Variants in MRPS30 observed in about 807,000 individuals in gnomAD.
MRPS30 encodes large ribosomal subunit protein mL65.
In MRPS30, 42 loss-of-function variants were observed where a neutral mutation model predicts 43.8. That is an observed-to-expected ratio of 0.96 (90% CI 0.75 to 1.24). The LOEUF is 1.24. MRPS30 is among the 50% of genes most tolerant of loss of function. The pLI is 0.00. For missense variants in MRPS30, 638 were observed against 570.0 expected, an observed-to-expected ratio of 1.12 and a Z score of -1.22; for synonymous variants, 273 against 228.2, an observed-to-expected ratio of 1.20 and a Z score of -1.77.
chr5:44,809,837 T>G, intron 1 of MRPS30: 1 of 442,294 alleles, frequency 2.3e-6, no homozygotes, highest in Non-Finnish European at 4.0e-6. Flanking sequence ...ACTTTGTGAG[T>G]GTTCAGCCAA....
In MRPS30 at chr5:44,809,121, C is replaced by A; in HGVS notation, c.159C>A (p.Ala53=). ...RYPPIVASMT[A]DSKAARLRRI... ...CGCCGATTGTGGCCTCCATGACAGC[C>A]GACAGCAAAGCTGCACGGCTGCGGC... The change falls in exon 1 of 5, where the codon GCC becomes GCA. Residue 53 remains alanine (A), a synonymous_variant. Transcript: ENST00000507110. 2 of 1,611,884 alleles carry A rather than the reference C, an allele frequency of 1.2e-6. No homozygotes were observed. Among genetic ancestry groups the A allele is most frequent in the Non-Finnish European group, 8.5e-7 (1 of 1,179,494 alleles).
chr5:44,811,574 T>C (rs1311039333), intron 2 of MRPS30, among the ~76,000 whole-genome samples: 3 of 152,250 alleles, frequency 2.0e-5, no homozygotes, highest in Non-Finnish European at 4.4e-5. Flanking sequence ...GTATTGTCTA[T>C]GCTTTCATGT....
At position 44,809,131 on chromosome 5, in the gene MRPS30, G is replaced by A. The variant is rs1177359961; in HGVS notation, c.169G>A (p.Ala57Thr). Residue 57 changes from alanine to threonine, a missense_variant, in exon 1 of 5, where the codon GCT becomes ACT. Transcript: ENST00000507110. ...IVASMTADSK[A>T]ARLRRIERWQ... ...GGCCTCCATGACAGCCGACAGCAAA[G>A]CTGCACGGCTGCGGCGGATCGAGCG... 5 of 1,611,822 alleles carry A rather than the reference G, an allele frequency of 3.1e-6. No homozygotes were observed. Among genetic ancestry groups the A allele is most frequent in the Non-Finnish European group, 4.2e-6 (5 of 1,179,472 alleles).
intron 1 of MRPS30, among the ~76,000 whole-genome samples, chr5:44,810,536 C>T (rs1742822358): frequency 6.6e-6 from 1 of 152,016 alleles, no homozygotes; most frequent in Non-Finnish European, 1.5e-5. Context: ...TTTTCCCTTC[C>T]CCAGTTGAGA....
At position 44,809,318 on chromosome 5, in the gene MRPS30, C is replaced by A. The variant is rs759294898; in HGVS notation, c.356C>A (p.Pro119Gln). The change falls in exon 1 of 5, where the codon CCG becomes CAG. Residue 119 changes from proline (P) to glutamine (Q), a missense_variant. Physicochemically the swap from Pro to Gln is moderately conservative, Grantham distance 76 (BLOSUM62 -1). Coordinates refer to ENST00000507110, the MANE Select transcript of MRPS30 (RefSeq NM_016640.4). Reference sequence around the variant, plus strand: ...AAGACCGTGTTCCTGTCGGGTCTGCCGCCGCCCCCAGCGGAGCCCGAGCCC... The same window carrying A: ...AAGACCGTGTTCCTGTCGGGTCTGCAGCCGCCCCCAGCGGAGCCCGAGCCC... ...FTKTVFLSGL[P>Q]PPPAEPEPEP... is the part of the protein sequence containing the mutation. The A allele has an allele frequency of 1.4e-5, 23 of 1,612,156 alleles. No homozygotes were observed. Among genetic ancestry groups the A allele is most frequent in the South Asian group, 4.4e-5 (4 of 90,942 alleles).
In MRPS30 at chr5:44,810,455, G is replaced by A. The variant is rs111729693; in HGVS notation, c.602-554G>A. On this transcript the variant is annotated intron_variant, in intron 1 of 4. Transcript: ENST00000507110. ...ATTTTATATCTTCTACCAAGTGTATGTCTTAATATTTATTGAAGTAATGTT... is the reference window on the plus strand; with the variant it reads ...ATTTTATATCTTCTACCAAGTGTATATCTTAATATTTATTGAAGTAATGTT... 4.3e-3 allele frequency among the ~76,000 whole-genome samples: 650 copies of A among 152,306 alleles called. 6 individuals are homozygous for A. Among genetic ancestry groups the A allele is most frequent in the African/African-American group, 0.015 (609 of 41,560 alleles).
intron 1 of MRPS30, 40 bp downstream of exon 1, chr5:44,809,603 G>A (rs1460127435): frequency 1.3e-6 from 2 of 1,532,558 alleles, no homozygotes; most frequent in Non-Finnish European, 1.8e-6. Flanking sequence ...AGGGAGAGAT[G>A]GGGATTGTAC....
In MRPS30 at chr5:44,809,352, A is replaced by C. The variant is rs142383960; in HGVS notation, c.390A>C (p.Glu130Asp). Residue 130 changes from glutamate (E) to aspartate (D), a missense_variant, in exon 1 of 5, where the codon GAA becomes GAC. By Grantham distance (45) the Glu-to-Asp change is conservative. Transcript: ENST00000507110. ...CAGCGGAGCCCGAGCCCGAGCCCGAACCCGAACCTGAACCTGCGCTGGACC... is the reference window on the plus strand; with the variant it reads ...CAGCGGAGCCCGAGCCCGAGCCCGACCCCGAACCTGAACCTGCGCTGGACC... Reference protein sequence around the residue: ...PPPAEPEPEPEPEPEPALDLA... With the variant: ...PPPAEPEPEPDPEPEPALDLA... The C allele has an allele frequency of 6.3e-7, 1 of 1,594,746 alleles. No homozygotes were observed. Among genetic ancestry groups the C allele is most frequent in the Admixed American group, 1.7e-5 (1 of 59,168 alleles).
intron 4 of MRPS30, among the ~76,000 whole-genome samples, chr5:44,814,126 A>C (rs772321547): frequency 6.4e-4 from 98 of 152,262 alleles, no homozygotes; most frequent in Non-Finnish European, 1.1e-3. Flanking sequence ...GGACAAGGAG[A>C]ATGATGTAGA....
In MRPS30 at chr5:44,808,960, A is replaced by C. The variant is rs746518711; in HGVS notation, c.-3A>C. ...ACCTCTGGGTCCGGAATCGCGGGCA[A>C]AGATGGCGGCGGCCAGGTGTTGGAG... is the stretch of plus-strand genomic sequence containing the variant. On this transcript the variant is annotated 5_prime_UTR_variant, in exon 1 of 5. Coordinates refer to ENST00000507110, the MANE Select transcript of MRPS30 (RefSeq NM_016640.4). 2.5e-6 allele frequency: 4 copies of C among 1,589,612 alleles called. No homozygotes were observed. The Admixed American group carries it at 5.3e-5, about 21-fold the overall frequency.
intron 3 of MRPS30, 30 bp downstream of exon 3, chr5:44,812,050 TA>T: frequency 1.4e-6 from 2 of 1,464,562 alleles, no homozygotes; most frequent in Non-Finnish European, 1.9e-6. Flanking sequence ...TATTGTACCA[TA>T]AATGTGTTCC....
At position 44,815,244 on chromosome 5, in the gene MRPS30, T is replaced by C; in HGVS notation, c.*42T>C. 2 of 1,469,518 alleles carry C rather than the reference T, an allele frequency of 1.4e-6. No individual in the cohort carries two copies. Among genetic ancestry groups the C allele is most frequent in the Non-Finnish European group, 1.8e-6 (2 of 1,100,136 alleles). 91.0% of individuals were successfully genotyped at this position (1,469,518 alleles called of 1,614,324 possible). A position where few individuals can be genotyped will look rare whatever the true frequency, so the allele number is the denominator to read the frequency against. ...GAGAACTGTGGGAATATTTAAATTT[T>C]ACTGAAGGAACAATAATGATGAGAT... On this transcript the variant is annotated 3_prime_UTR_variant, in exon 5 of 5. Transcript: ENST00000507110.
At chr5:44,814,600 T>C (rs555626432) in intron 4 of MRPS30, among the ~76,000 whole-genome samples, 17 of 152,334 alleles carry the variant, frequency 1.1e-4, no homozygotes, top group African/African-American at 3.8e-4. Flanking sequence ...GGTAATGACA[T>C]AGTACCAGAT....
rs750690419 is a variant in MRPS30, at chr5:44,813,207, C to G, written c.955C>G (p.Gln319Glu). 1.2e-6 allele frequency: 2 copies of G among 1,613,048 alleles called. No individual in the cohort carries two copies. The highest frequency in any genetic ancestry group is 1.7e-6 in the Non-Finnish European group (2 of 1,179,572). Residue 319 changes from glutamine to glutamate, a missense_variant, in exon 4 of 5, where the codon CAG (glutamine) becomes GAG (glutamate). Gln to Glu is a conservative substitution (Grantham distance 29). Transcript: ENST00000507110. ...ERLLRQNCAD[Q>E]IEVVFRANAI... ...GCTTTTGAGACAAAACTGTGCTGAT[C>G]AGATAGAAGTTGTTTTTAGAGCTAA...
At position 44,811,910 on chromosome 5, in the gene MRPS30, T is replaced by C; in HGVS notation, c.748-5T>C. 3 of 1,503,454 alleles carry C rather than the reference T, an allele frequency of 2.0e-6. No individual in the cohort carries two copies. In the South Asian group the frequency reaches 3.8e-5, roughly 19 times the overall value. 93.1% of individuals were successfully genotyped at this position (1,503,454 alleles called of 1,614,324 possible). ...AATTTAGTATGTCTTTTCTTTTTCT[T>C]TAAGTTTGTGCCATTGGATTATTCT... On this transcript the variant is annotated splice_region_variant and splice_polypyrimidine_tract_variant and intron_variant, in intron 2 of 4. Transcript: ENST00000507110.
intron 1 of MRPS30, 21 bp from the exon 2 acceptor site, chr5:44,810,988 T>G: frequency 6.2e-7 from 1 of 1,607,070 alleles, no homozygotes; most frequent in Admixed American, 1.7e-5. Flanking sequence ...ATGAAAAAAA[T>G]TTTGAATATC....
chr5:44,812,188 G>A (rs1339767574), intron 3 of MRPS30, among the ~76,000 whole-genome samples, 168 bp downstream of exon 3: 2 of 151,960 alleles, frequency 1.3e-5, no homozygotes, highest in Non-Finnish European at 2.9e-5. Flanking sequence ...CATAAACACT[G>A]GAAAGAAAAT....
Position 44,813,219 on chromosome 5 carries a change from G to A in MRPS30, c.967G>A (p.Val323Ile). 1 of 1,612,476 alleles carries A rather than the reference G, an allele frequency of 6.2e-7. No individual in the cohort carries two copies. Among genetic ancestry groups the A allele is most frequent in the African/African-American group, 1.3e-5 (1 of 74,936 alleles). Residue 323 changes from valine (V) to isoleucine (I), a missense_variant, in exon 4 of 5, where the codon GTT (valine) becomes ATT (isoleucine). Coordinates refer to ENST00000507110, the MANE Select transcript of MRPS30 (RefSeq NM_016640.4). ...RQNCADQIEVVFRANAIASLF... is the reference protein window; with the variant it reads ...RQNCADQIEVIFRANAIASLF... The stretch of plus-strand genomic sequence containing the variant: ...AAACTGTGCTGATCAGATAGAAGTT[G>A]TTTTTAGAGCTAATGCTATTGCAAG...
chr5:44,809,585 A>T, intron 1 of MRPS30, 22 bp downstream of exon 1: 1 of 1,557,652 alleles, frequency 6.4e-7, no homozygotes, highest in Non-Finnish European at 8.7e-7. Flanking sequence ...ATTCCGCCCC[A>T]GGGCGGAAGG....
Sources: allele counts gnomAD v4.1 joint callset (sites outside exome capture counted in the v4.1 genomes callset), GRCh38; gene constraint gnomAD v4.1.1; transcripts MANE v1.5; gene names NCBI Gene and HGNC (gene_info 2026-07-23, HGNC 2026-07-21).